The following FANCC variants were observed in gnomAD, a reference collection of about 807,000 sequenced individuals.
FANCC encodes the protein Fanconi anemia group C protein.
FANCC carries 55 observed loss-of-function variants against 71.3 expected under a neutral mutation model. The observed-to-expected ratio is 0.77, with a 90% confidence interval of 0.62 to 0.97. The LOEUF is 0.97. Ranked by LOEUF, FANCC falls within the 50% of genes least tolerant of loss-of-function variation. The probability of loss-of-function intolerance (pLI) is 0.00; values close to 1 mark genes in which losing one functional copy is unlikely to be tolerated. For missense variants in FANCC, 678 were observed against 670.9 expected, an observed-to-expected ratio of 1.01 and a Z score of -0.12; for synonymous variants, 275 against 244.9, an observed-to-expected ratio of 1.12 and a Z score of -1.15.
At chr9:95,247,556 T>A (rs373121524) in intron 2 of FANCC, 40 bp from the exon 3 acceptor site, 17 of 1,328,416 alleles carry the variant, frequency 1.3e-5, no homozygotes, top group Non-Finnish European at 1.5e-5. Flanking sequence ...AAAGGCATTA[T>A]GCAACTTAGA....
In FANCC at chr9:95,259,844, C is replaced by T. The variant is rs74866996; in HGVS notation, c.-78-10475G>A. ...CTACAAGGAACTTAAAACAAATTTA[C>T]GAGAAAAAAACAACCCCATCAAAAA... is the stretch of plus-strand genomic sequence containing the variant. On this transcript the variant is annotated intron_variant, in intron 1 of 14. Transcript: ENST00000289081. Among the ~76,000 whole-genome samples the T allele has an allele frequency of 2.1e-3, 322 of 152,078 alleles. 7 individuals are homozygous for T. The East Asian group carries it at 0.038, about 18-fold the overall frequency.
At chr9:95,312,316 A>G (rs1835455346) in intron 1 of FANCC, among the ~76,000 whole-genome samples, 1 of 152,240 alleles carries the variant, frequency 6.6e-6, no homozygotes. Context: ...AAGAAACCAC[A>G]TAATAATTTG....
At position 95,125,089 on chromosome 9, in the gene FANCC, C is replaced by T. The variant is rs748582850; in HGVS notation, c.993G>A (p.Lys331=). The part of the protein sequence containing the change: ...CFVEALEKAS[K]QLRFALKTYF... ...TAATATATGTGATATAACAAACCTG[C>T]TTGCTTGCTTTCTCCAGAGCTTCTA... is the stretch of plus-strand genomic sequence containing the variant. The change falls in exon 10 of 15, where the codon AAG becomes AAA. Residue 331 remains lysine, a synonymous_variant. Coordinates refer to ENST00000289081, the MANE Select transcript of FANCC (RefSeq NM_000136.3). The T allele has an allele frequency of 2.5e-5, 41 of 1,613,396 alleles. No individual in the cohort carries two copies. The highest frequency in any genetic ancestry group is 4.5e-5 in the East Asian group (2 of 44,900).
intron 1 of FANCC, among the ~76,000 whole-genome samples, chr9:95,297,235 GCCT>G (rs1319468023): frequency 5.3e-5 from 8 of 151,660 alleles, no homozygotes; most frequent in Non-Finnish European, 8.8e-5. Context: ...AATCAGGGAT[GCCT>G]CCTTTCTCTA....
At chr9:95,303,142 G>T (rs1225709143) in intron 1 of FANCC, among the ~76,000 whole-genome samples, 2 of 152,196 alleles carry the variant, frequency 1.3e-5, no homozygotes, top group East Asian at 3.8e-4. Flanking sequence ...AATACTGCAG[G>T]CGCCAGCTGC....
chr9:95,161,590 A>G (rs1830750411), intron 6 of FANCC, among the ~76,000 whole-genome samples: 1 of 152,204 alleles, frequency 6.6e-6, no homozygotes, highest in African/African-American at 2.4e-5. Context: ...CACTTTCCTG[A>G]AAATGCACAG....
Position 95,215,039 on chromosome 9 carries a change from C to T in FANCC, c.345+25610G>A, listed in dbSNP as rs145418869. Among the ~76,000 whole-genome samples the T allele has an allele frequency of 1.1e-4, 17 of 152,002 alleles. No homozygotes were observed. In the East Asian group the frequency reaches 1.9e-3, roughly 17 times the overall value. On this transcript the variant is annotated intron_variant, in intron 4 of 14. Transcript: ENST00000289081. The stretch of plus-strand genomic sequence containing the variant: ...TATATGATAAAAAGTTTAAAAGAAA[C>T]ATTAAAAATAGGTCAAATTGAAGTA...
At chr9:95,191,780 C>A (rs900739389) in intron 4 of FANCC, among the ~76,000 whole-genome samples, 3 of 152,054 alleles carry the variant, frequency 2.0e-5, no homozygotes, top group African/African-American at 7.2e-5. Flanking sequence ...ATCCTCCATA[C>A]GCAGCCCATC....
chr9:95,226,717 C>G (rs924366678), intron 4 of FANCC, among the ~76,000 whole-genome samples: 5 of 152,190 alleles, frequency 3.3e-5, no homozygotes, highest in African/African-American at 1.2e-4. Context: ...GAATAAACTG[C>G]CCAGGTTCCC....
At chr9:95,228,814 A>T (rs887131315) in intron 4 of FANCC, among the ~76,000 whole-genome samples, 1 of 152,098 alleles carries the variant, frequency 6.6e-6, no homozygotes, top group African/African-American at 2.4e-5. Context: ...AAACCCCAGG[A>T]AGGAGTTGCT....
intron 4 of FANCC, among the ~76,000 whole-genome samples, chr9:95,208,522 A>G (rs1016022175): frequency 1.3e-5 from 2 of 152,250 alleles, no homozygotes; most frequent in African/African-American, 4.8e-5. Context: ...AGACATATTC[A>G]TATAAAGAAC....
chr9:95,217,178 T>C (rs531509266), intron 4 of FANCC, among the ~76,000 whole-genome samples: 77 of 152,284 alleles, frequency 5.1e-4, no homozygotes, highest in Non-Finnish European at 1.0e-3. Context: ...GCCTCAAATA[T>C]TTGTTAATTT....
At chr9:95,274,024 T>C (rs1283578069) in intron 1 of FANCC, among the ~76,000 whole-genome samples, 1 of 152,208 alleles carries the variant, frequency 6.6e-6, no homozygotes, top group Non-Finnish European at 1.5e-5. Flanking sequence ...TAGGAACCAT[T>C]TTTTAATTTT....
chr9:95,289,121 A>T (rs1035347669), intron 1 of FANCC, among the ~76,000 whole-genome samples: 5 of 152,122 alleles, frequency 3.3e-5, no homozygotes, highest in African/African-American at 1.2e-4. Flanking sequence ...TGATAATAAG[A>T]AGAGTATCAT....
In FANCC at chr9:95,311,233, CAAAAAAAA is replaced by C. The variant is rs10710492; in HGVS notation, c.-79+6285_-79+6292del. Among the ~76,000 whole-genome samples, 9 of 76,036 alleles carry C rather than the reference CAAAAAAAA, an allele frequency of 1.2e-4. No homozygotes were observed. In the South Asian group the frequency reaches 3.3e-3, roughly 28 times the overall value. The allele number at this position is 76,036 out of a possible 152,430, so 49.9% of individuals were successfully genotyped here. A position where few individuals can be genotyped will look rare whatever the true frequency, so the allele number is the denominator to read the frequency against. On this transcript the variant is annotated intron_variant, in intron 1 of 14. Coordinates refer to ENST00000289081, the MANE Select transcript of FANCC (RefSeq NM_000136.3). ...CGGGAGACAGAGTGAGATTCCGTCT[CAAAAAAAA>C]AAAAAAAAAAAAAATCAGGAGTTAA...
Position 95,099,793 on chromosome 9 carries a change from C to T in FANCC, c.*1914G>A, listed in dbSNP as rs1588004260. On this transcript the variant is annotated 3_prime_UTR_variant, in exon 15 of 15. Coordinates refer to ENST00000289081, the MANE Select transcript of FANCC (RefSeq NM_000136.3). The stretch of plus-strand genomic sequence containing the variant: ...GCAGCTGTGAAGGAACTGGGAGATT[C>T]TGCAGATGGGCCGAGGTCAGGGCTT... 3 of 232,488 alleles carry T rather than the reference C, an allele frequency of 1.3e-5. No homozygotes were observed. The highest frequency in any genetic ancestry group is 2.6e-5 in the Non-Finnish European group (3 of 117,576). 14.4% of individuals were successfully genotyped at this position (232,488 alleles called of 1,614,324 possible).
chr9:95,309,429 T>C (rs978814102), intron 1 of FANCC, among the ~76,000 whole-genome samples: 46 of 152,240 alleles, frequency 3.0e-4, no homozygotes, highest in African/African-American at 1.1e-3. Flanking sequence ...GTATATTTTA[T>C]ATAGTGTTTT....
chr9:95,282,191 T>G (rs749274526), intron 1 of FANCC, among the ~76,000 whole-genome samples: 2 of 151,878 alleles, frequency 1.3e-5, no homozygotes, highest in Non-Finnish European at 2.9e-5. Context: ...AGGATACACA[T>G]AGACTGAAAG....
intron 4 of FANCC, among the ~76,000 whole-genome samples, chr9:95,209,741 A>C (rs1339059736): frequency 1.3e-5 from 2 of 151,986 alleles, no homozygotes; most frequent in Non-Finnish European, 2.9e-5. Flanking sequence ...TTCCAGACAA[A>C]ATCTCCAATT....
Sources: allele counts gnomAD v4.1 joint callset (sites outside exome capture counted in the v4.1 genomes callset), GRCh38; gene constraint gnomAD v4.1.1; transcripts MANE v1.5; gene names NCBI Gene and HGNC (gene_info 2026-07-23, HGNC 2026-07-21).